The following DIAPH2 variants were observed in gnomAD, a reference collection of about 807,000 sequenced individuals.
DIAPH2 encodes the protein diaphanous related formin 2.
In DIAPH2, 35 loss-of-function variants were observed where a neutral mutation model predicts 92.7. The ratio of observed to expected loss-of-function variants is 0.38; its 90% CI spans 0.29 to 0.50. The LOEUF (loss-of-function observed/expected upper bound fraction) is 0.50. Among genes scored for constraint, DIAPH2 ranks in the 20% least tolerant of loss-of-function variants. The pLI is 0.94. For synonymous variants in DIAPH2, 301 were observed against 280.4 expected (o/e 1.07, Z -0.73); for missense variants, 701 against 819.5 (o/e 0.86, Z 1.77).
chrX:97,334,998 CAAAAAAA>C (rs746536131), intron 23 of DIAPH2, among the ~76,000 whole-genome samples: 1 of 31,464 alleles, frequency 3.2e-5, no homozygotes, highest in Non-Finnish European at 6.1e-5. Flanking sequence ...AAAAACAAAA[CAAAAAAA>C]AAAAAAAAAA....
intron 25 of DIAPH2, among the ~76,000 whole-genome samples, chrX:97,414,522 C>T (rs898324893): frequency 1.8e-5 from 2 of 109,056 alleles, no homozygotes; most frequent in Admixed American, 9.9e-5. Context: ...TGGTGGTGGG[C>T]GCCTGTAGTC....
chrX:96,909,760 T>G (rs776160932), intron 5 of DIAPH2, among the ~76,000 whole-genome samples: 1 of 111,184 alleles, frequency 9.0e-6, no homozygotes, highest in South Asian at 3.8e-4. Context: ...TGTATCTTAT[T>G]TTTTTTAAGA....
intron 22 of DIAPH2, among the ~76,000 whole-genome samples, chrX:97,218,404 AT>A (rs2067900479): frequency 8.9e-6 from 1 of 112,001 alleles, no homozygotes; most frequent in African/African-American, 3.2e-5. Context: ...CATGCTTTTC[AT>A]GTGAGATGAC....
Position 97,208,314 on chromosome X carries a change from T to C in DIAPH2, c.2720-39401T>C, listed in dbSNP as rs139763632. Among the ~76,000 whole-genome samples the C allele has an allele frequency of 9.9e-3, 1,111 of 112,144 alleles. 11 individuals are homozygous for C. Among genetic ancestry groups the C allele is most frequent in the African/African-American group, 0.034 (1,060 of 30,921 alleles). On this transcript the variant is annotated intron_variant, in intron 22 of 26. Coordinates refer to ENST00000324765, the MANE Select transcript of DIAPH2 (RefSeq NM_006729.5). ...TGGTCCCTTTTTCAAAAAACATAATTGAACTCAGGAAGAGAATAGAAACCC... is the reference window on the plus strand; with the variant it reads ...TGGTCCCTTTTTCAAAAAACATAATCGAACTCAGGAAGAGAATAGAAACCC...
chrX:96,885,807 TGTATG>T (rs2065258273), intron 5 of DIAPH2, among the ~76,000 whole-genome samples: 1 of 111,874 alleles, frequency 8.9e-6, no homozygotes, highest in Non-Finnish European at 1.9e-5. Context: ...TTATTGTAGT[TGTATG>T]GTAAATGGAT....
At position 96,735,781 on chromosome X, in the gene DIAPH2, A is replaced by G; in HGVS notation, c.156A>G (p.Ala52=). 1 of 1,101,901 alleles carries G rather than the reference A, an allele frequency of 9.1e-7. No individual in the cohort carries two copies. Among genetic ancestry groups the G allele is most frequent in the East Asian group, 3.1e-5 (1 of 32,123 alleles). The allele number at this position is 1,101,901 out of a possible 1,213,427, so 90.8% of individuals were successfully genotyped here. A position where few individuals can be genotyped will look rare whatever the true frequency, so the allele number is the denominator to read the frequency against. ...AGAACATTCAAATAAAAACTTTGGC[A>G]GATGATGTGGTAAGGTGGTCTTAGC... ...PKLNIQIKTL[A]DDVRDRITSF... is the part of the protein sequence containing the mutation. Residue 52 remains alanine (A), a synonymous_variant, in exon 2 of 27, where the codon GCA becomes GCG. Coordinates refer to ENST00000324765, the MANE Select transcript of DIAPH2 (RefSeq NM_006729.5).
intron 10 of DIAPH2, among the ~76,000 whole-genome samples, chrX:96,933,779 T>A (rs2147796296): frequency 9.8e-6 from 1 of 102,426 alleles, no homozygotes; most frequent in South Asian, 4.6e-4. Context: ...AATTTTTTTT[T>A]TTTTTTTTTT....
chrX:97,038,532 C>CTT (rs756037796), intron 17 of DIAPH2, among the ~76,000 whole-genome samples: 8 of 94,531 alleles, frequency 8.5e-5, no homozygotes, highest in African/African-American at 1.1e-4. Flanking sequence ...TGTTTTTTGA[C>CTT]TTTTTTTTTT....
chrX:96,917,414 T>A (rs1353881484), intron 8 of DIAPH2, among the ~76,000 whole-genome samples: 1 of 111,100 alleles, frequency 9.0e-6, no homozygotes, highest in Non-Finnish European at 1.9e-5. Context: ...AGACAAACAC[T>A]AAACAAAAAT....
intron 26 of DIAPH2, among the ~76,000 whole-genome samples, chrX:97,545,915 T>G (rs1015102211): frequency 9.0e-6 from 1 of 110,611 alleles, no homozygotes; most frequent in African/African-American, 3.3e-5. Flanking sequence ...CTTTTTAATA[T>G]TTCCTCCCCA....
chrX:97,559,185 T>C (rs997147978), intron 26 of DIAPH2, among the ~76,000 whole-genome samples: 2 of 111,925 alleles, frequency 1.8e-5, no homozygotes, highest in African/African-American at 6.5e-5. Flanking sequence ...TCAGTTGCAT[T>C]GGTCTAGAAA....
intron 17 of DIAPH2, among the ~76,000 whole-genome samples, chrX:97,061,887 T>G (rs1306213004): frequency 9.5e-6 from 1 of 105,220 alleles, no homozygotes; most frequent in Non-Finnish European, 1.9e-5. Flanking sequence ...ATTATTATTA[T>G]TTTTTCTTTT....
intron 23 of DIAPH2, among the ~76,000 whole-genome samples, chrX:97,301,057 A>G (rs2147626670): frequency 1.0e-5 from 1 of 99,782 alleles, no homozygotes; most frequent in South Asian, 5.3e-4. Flanking sequence ...TAATCCCAGC[A>G]CTTTGGGAGG....
At chrX:97,462,786 C>G (rs762714768) in intron 26 of DIAPH2, among the ~76,000 whole-genome samples, 1 of 109,249 alleles carries the variant, frequency 9.2e-6, no homozygotes, top group African/African-American at 3.3e-5. Context: ...CACTTTTTAC[C>G]CAGAAAGAGA....
At chrX:96,932,842 ACT>A (rs2065628188) in intron 10 of DIAPH2, among the ~76,000 whole-genome samples, 1 of 110,569 alleles carries the variant, frequency 9.0e-6, no homozygotes, top group African/African-American at 3.3e-5. Context: ...AACTATAGTC[ACT>A]CTATTGTGCT....
chrX:97,512,029 CAGTT>C (rs1459924369), intron 26 of DIAPH2, among the ~76,000 whole-genome samples: 1 of 113,007 alleles, frequency 8.8e-6, no homozygotes, highest in African/African-American at 3.3e-5. Context: ...CTCATAAAAT[CAGTT>C]AGGGAGGATT....
intron 26 of DIAPH2, chrX:97,449,738 G>C (rs936580467): frequency 8.2e-5 from 55 of 669,210 alleles, no homozygotes; most frequent in Non-Finnish European, 9.4e-5. Flanking sequence ...CAAAGAGTGG[G>C]GGGAACCAGT....
intron 22 of DIAPH2, among the ~76,000 whole-genome samples, chrX:97,154,249 G>A (rs770790548): frequency 8.1e-5 from 9 of 111,548 alleles, no homozygotes; most frequent in Non-Finnish European, 1.7e-4. Flanking sequence ...GCTCAGAAAC[G>A]TGAAGTAAAG....
chrX:96,976,890 C>A (rs1022837374), intron 17 of DIAPH2, among the ~76,000 whole-genome samples: 2 of 111,226 alleles, frequency 1.8e-5, no homozygotes, highest in African/African-American at 6.5e-5. Context: ...ATTTTAAATT[C>A]ATATCATACC....
Sources: allele counts gnomAD v4.1 joint callset (sites outside exome capture counted in the v4.1 genomes callset), GRCh38; gene constraint gnomAD v4.1.1; transcripts MANE v1.5; gene names NCBI Gene and HGNC (gene_info 2026-07-23, HGNC 2026-07-21).